AGMO: variants seen among roughly 807,000 people sequenced by gnomAD.
AGMO encodes alkylglycerol monooxygenase, also known as glyceryl-ether monooxygenase.
A neutral mutation model predicts 60.2 loss-of-function variants in AGMO; 75 were observed. The observed-to-expected ratio is 1.25, with a 90% CI of 1.03 to 1.51. AGMO has a LOEUF of 1.51. Among genes scored for constraint, AGMO ranks in the 40% most tolerant of loss-of-function variants. AGMO has a pLI of 0.00. For missense variants in AGMO, 763 were observed against 525.5 expected (o/e 1.45, Z -4.42); for synonymous variants, 261 against 177.1 (o/e 1.47, Z -3.76).
intron 2 of AGMO, among the ~76,000 whole-genome samples, chr7:15,557,490 G>T (rs1020865348): frequency 6.6e-6 from 1 of 151,824 alleles, no homozygotes; most frequent in South Asian, 2.1e-4. Context: ...CTGAAATATT[G>T]TTTTAAGAAT....
At position 15,430,978 on chromosome 7, in the gene AGMO, A is replaced by T. The variant is rs1468750602; in HGVS notation, c.513+27T>A. The stretch of plus-strand genomic sequence containing the variant: ...AGACTTAAAAACAAATTAGATTACC[A>T]TGTTTATTCCATTTCATACAACTTA... On this transcript the variant is annotated intron_variant, in intron 4 of 12. Coordinates refer to ENST00000342526, the MANE Select transcript of AGMO (RefSeq NM_001004320.2). The T allele has an allele frequency of 3.9e-6, 5 of 1,285,840 alleles. No individual in the cohort carries two copies. Among genetic ancestry groups the T allele is most frequent in the Non-Finnish European group, 5.4e-6 (5 of 927,760 alleles). 79.7% of individuals were successfully genotyped at this position (1,285,840 alleles called of 1,614,324 possible).
the AGMO span, among the ~76,000 whole-genome samples, chr7:15,161,122 T>C: frequency 6.6e-6 from 1 of 152,168 alleles, no homozygotes; most frequent in Non-Finnish European, 1.5e-5. Context: ...TAATCACCTC[T>C]CATTAGGCCA....
intron 3 of AGMO, among the ~76,000 whole-genome samples, chr7:15,504,096 G>C (rs980798462): frequency 2.0e-5 from 3 of 151,932 alleles, no homozygotes; most frequent in South Asian, 2.1e-4. Context: ...TACCAGTAGA[G>C]GGAGTGGAGA....
intron 12 of AGMO, among the ~76,000 whole-genome samples, chr7:15,211,179 G>A (rs896444668): frequency 1.3e-5 from 2 of 151,960 alleles, no homozygotes; most frequent in Non-Finnish European, 2.9e-5. Flanking sequence ...GGGAGTATTA[G>A]CTTCCCTGAT....
intron 12 of AGMO, among the ~76,000 whole-genome samples, chr7:15,352,580 G>A (rs943581771): frequency 6.6e-5 from 10 of 151,856 alleles, no homozygotes; most frequent in African/African-American, 2.2e-4. Context: ...AGAAATGCGT[G>A]GCAATTTTAC....
chr7:15,422,346 G>C (rs1780948643), intron 4 of AGMO, among the ~76,000 whole-genome samples: 1 of 151,700 alleles, frequency 6.6e-6, no homozygotes, highest in Non-Finnish European at 1.5e-5. Context: ...GAAAGGAAGA[G>C]GGAAAATGCC....
chr7:15,306,302 G>C (rs932812779), intron 12 of AGMO: 2 of 246,154 alleles, frequency 8.1e-6, no homozygotes, highest in Non-Finnish European at 1.7e-5. Flanking sequence ...AATTTCAATG[G>C]CTGAAAGGAA....
At chr7:15,316,752 C>T (rs1211115370) in intron 12 of AGMO, among the ~76,000 whole-genome samples, 1 of 151,876 alleles carries the variant, frequency 6.6e-6, no homozygotes, top group Admixed American at 6.6e-5. Context: ...GCGAAAAATC[C>T]AAGAAAAAGA....
At chr7:15,413,878 G>C (rs535775339) in intron 5 of AGMO, among the ~76,000 whole-genome samples, 2 of 152,264 alleles carry the variant, frequency 1.3e-5, no homozygotes, top group South Asian at 2.1e-4. Context: ...AAAGAATGAA[G>C]ACGATTAGAA....
chr7:15,530,608 TATTTCTATATATATATTCTATATAC>T (rs1784284516), intron 3 of AGMO, among the ~76,000 whole-genome samples: 1 of 129,820 alleles, frequency 7.7e-6, no homozygotes, highest in South Asian at 2.3e-4. Context: ...TCTATATACG[TATTTCTATATATATATTCTATATAC>T]GTATTTCTAT....
chr7:15,348,625 T>C (rs1159837401), intron 12 of AGMO, among the ~76,000 whole-genome samples: 1 of 152,120 alleles, frequency 6.6e-6, no homozygotes, highest in Non-Finnish European at 1.5e-5. Flanking sequence ...CACTCGTGTA[T>C]CTGTGCAGTC....
chr7:15,294,535 G>GA (rs965404625), intron 12 of AGMO, among the ~76,000 whole-genome samples: 30 of 151,534 alleles, frequency 2.0e-4, no homozygotes, highest in African/African-American at 5.3e-4. Flanking sequence ...GGAAAAACTT[G>GA]AAAAAAATGT....
chr7:15,449,031 T>C (rs1274384587), intron 3 of AGMO, among the ~76,000 whole-genome samples: 3 of 152,114 alleles, frequency 2.0e-5, no homozygotes, highest in Non-Finnish European at 4.4e-5. Flanking sequence ...CTTTCCGGAG[T>C]TATGATACAG....
chr7:15,467,469 G>C (rs1294594454), intron 3 of AGMO, among the ~76,000 whole-genome samples: 1 of 152,108 alleles, frequency 6.6e-6, no homozygotes, highest in Non-Finnish European at 1.5e-5. Context: ...AATTAACCTT[G>C]TTTCAACTGA....
chr7:15,426,862 T>C (rs1166124891), intron 4 of AGMO, among the ~76,000 whole-genome samples: 2 of 151,964 alleles, frequency 1.3e-5, no homozygotes, highest in Non-Finnish European at 2.9e-5. Context: ...GCATGGTAGA[T>C]TGAGAGAAGT....
chr7:15,479,940 A>G (rs1336668060), intron 3 of AGMO, among the ~76,000 whole-genome samples: 2 of 152,180 alleles, frequency 1.3e-5, no homozygotes, highest in Non-Finnish European at 1.5e-5. Flanking sequence ...TGTTTAGGCA[A>G]GTCAAGAGTC....
chr7:15,455,592 C>T (rs1373920856), intron 3 of AGMO, among the ~76,000 whole-genome samples: 4 of 152,096 alleles, frequency 2.6e-5, no homozygotes, highest in Non-Finnish European at 5.9e-5. Context: ...TTCCTCTAGT[C>T]CACAGAAGGG....
At chr7:15,436,207 T>G (rs1448290215) in intron 3 of AGMO, among the ~76,000 whole-genome samples, 1 of 152,200 alleles carries the variant, frequency 6.6e-6, no homozygotes, top group African/African-American at 2.4e-5. Context: ...GAGCTATGCC[T>G]TAGTCCATTT....
chr7:15,559,567 G>T (rs939558503), intron 2 of AGMO, among the ~76,000 whole-genome samples: 20 of 152,154 alleles, frequency 1.3e-4, no homozygotes, highest in African/African-American at 4.8e-4. Flanking sequence ...ATGACAAATA[G>T]ACAGGAGAGT....
Sources: allele counts gnomAD v4.1 joint callset (sites outside exome capture counted in the v4.1 genomes callset), GRCh38; gene constraint gnomAD v4.1.1; transcripts MANE v1.5; gene names NCBI Gene and HGNC (gene_info 2026-07-23, HGNC 2026-07-21).